Variants in CEP112 observed in about 807,000 individuals in gnomAD.
CEP112 encodes centrosomal protein of 112 kDa.
Under a neutral mutation model 153.0 loss-of-function variants are expected in CEP112, and 127 were observed. The ratio of observed to expected loss-of-function variants is 0.83; its 90% CI spans 0.72 to 0.96. The LOEUF is 0.96. Among genes scored for constraint, CEP112 ranks in the 40% least tolerant of loss-of-function variants. The pLI is 0.00. For missense variants in CEP112, 1,089 were observed against 1,101.2 expected (o/e 0.99, Z 0.16); for synonymous variants, 358 against 374.4 (o/e 0.96, Z 0.51).
intron 21 of CEP112, among the ~76,000 whole-genome samples, chr17:65,792,545 A>T (rs2145738272): frequency 6.6e-6 from 1 of 151,602 alleles, no homozygotes; most frequent in East Asian, 1.9e-4. Context: ...ATTTTCAAGT[A>T]AGTGAAGAAA....
At chr17:66,016,590 A>C (rs2064784468) in intron 16 of CEP112, among the ~76,000 whole-genome samples, 1 of 152,096 alleles carries the variant, frequency 6.6e-6, no homozygotes, top group Non-Finnish European at 1.5e-5. Context: ...GATATGTTAT[A>C]CAGCCTGCTT....
intron 23 of CEP112, among the ~76,000 whole-genome samples, chr17:65,734,891 T>C (rs949209908): frequency 2.0e-5 from 3 of 152,242 alleles, no homozygotes; most frequent in Non-Finnish European, 2.9e-5. Flanking sequence ...CTTTTCATAC[T>C]ATTACACTAA....
chr17:65,662,496 A>G (rs2143868578), intron 24 of CEP112, among the ~76,000 whole-genome samples: 1 of 152,318 alleles, frequency 6.6e-6, no homozygotes, highest in African/African-American at 2.4e-5. Context: ...AAGGTCAAAT[A>G]AAGAGCAGGA....
intron 21 of CEP112, among the ~76,000 whole-genome samples, chr17:65,784,127 G>A (rs757337816): frequency 1.3e-5 from 2 of 152,202 alleles, no homozygotes; most frequent in African/African-American, 2.4e-5. Flanking sequence ...TTATGCGTGA[G>A]AAAATGGGAA....
chr17:65,801,358 A>G (rs2145824893), intron 21 of CEP112, among the ~76,000 whole-genome samples: 1 of 152,326 alleles, frequency 6.6e-6, no homozygotes, highest in South Asian at 2.1e-4. Context: ...GCACCCAGCC[A>G]TCTTCATTTT....
chr17:66,055,871 A>AG (rs2066661596), intron 11 of CEP112, among the ~76,000 whole-genome samples: 1 of 152,214 alleles, frequency 6.6e-6, no homozygotes, highest in Non-Finnish European at 1.5e-5. Flanking sequence ...TAGTCTAACC[A>AG]GAGGTGATTA....
intron 1 of CEP112, among the ~76,000 whole-genome samples, chr17:66,188,585 T>G (rs1303856800): frequency 3.4e-4 from 1 of 2,950 alleles, no homozygotes; most frequent in African/African-American, 6.3e-4. Context: ...TATCATGCTG[T>G]TTTTTTTTTT....
At chr17:65,792,287 TAC>T (rs2054634669) in intron 21 of CEP112, among the ~76,000 whole-genome samples, 1 of 152,212 alleles carries the variant, frequency 6.6e-6, no homozygotes, top group Non-Finnish European at 1.5e-5. Context: ...GGCACCAAAA[TAC>T]ACAGATCGTA....
At chr17:65,754,882 G>A (rs1011693998) in intron 21 of CEP112, among the ~76,000 whole-genome samples, 5 of 152,104 alleles carry the variant, frequency 3.3e-5, no homozygotes, top group Non-Finnish European at 5.9e-5. Context: ...GGAGCTGAAC[G>A]GTGAGAACAC....
chr17:65,858,155 C>T (rs973059758), intron 20 of CEP112, among the ~76,000 whole-genome samples: 6 of 152,016 alleles, frequency 3.9e-5, no homozygotes, highest in Non-Finnish European at 5.9e-5. Flanking sequence ...AGTGAGTTGG[C>T]CTGGAATTTT....
chr17:65,973,976 C>T (rs898085871), intron 17 of CEP112, among the ~76,000 whole-genome samples: 2 of 152,084 alleles, frequency 1.3e-5, no homozygotes, highest in African/African-American at 2.4e-5. Flanking sequence ...AAGAGTACTG[C>T]AAATTAAAAC....
intron 23 of CEP112, among the ~76,000 whole-genome samples, chr17:65,722,930 CAAGG>C (rs1444868951): frequency 2.0e-5 from 3 of 152,182 alleles, no homozygotes. Flanking sequence ...TTGTGAACAG[CAAGG>C]CTGAAACAGA....
chr17:65,744,247 G>T (rs574044777), intron 22 of CEP112, among the ~76,000 whole-genome samples: 109 of 151,260 alleles, frequency 7.2e-4, no homozygotes, highest in African/African-American at 2.6e-3. Flanking sequence ...TTGTTTGTTT[G>T]TTTGTTTGTT....
At chr17:66,132,581 A>T in intron 5 of CEP112, 89 bp downstream of exon 5, 1 of 887,332 alleles carries the variant, frequency 1.1e-6, no homozygotes, top group Non-Finnish European at 1.8e-6. Context: ...TGAAGCAATC[A>T]TTGGTACTTC....
At chr17:65,806,518 C>G (rs184389174) in intron 21 of CEP112, among the ~76,000 whole-genome samples, 1 of 152,306 alleles carries the variant, frequency 6.6e-6, no homozygotes, top group Admixed American at 6.5e-5. Flanking sequence ...GTGTCCCCAC[C>G]CAAATCTCAT....
At chr17:65,905,763 A>C (rs926330601) in intron 19 of CEP112, among the ~76,000 whole-genome samples, 3 of 152,090 alleles carry the variant, frequency 2.0e-5, no homozygotes, top group Non-Finnish European at 4.4e-5. Context: ...CCCCATCTCT[A>C]CTAAAAATAA....
intron 4 of CEP112, among the ~76,000 whole-genome samples, chr17:66,148,063 T>C (rs575282281): frequency 2.6e-5 from 4 of 152,252 alleles, no homozygotes; most frequent in African/African-American, 7.2e-5. Flanking sequence ...CATACCCAGA[T>C]TGGGGAGAAA....
At chr17:65,884,715 T>TG (rs1296784678) in intron 20 of CEP112, among the ~76,000 whole-genome samples, 1 of 149,772 alleles carries the variant, frequency 6.7e-6, no homozygotes, top group East Asian at 1.9e-4. Flanking sequence ...TCTTTTTTTT[T>TG]TTTCTTTTTT....
intron 21 of CEP112, among the ~76,000 whole-genome samples, chr17:65,838,646 T>C (rs1251236500): frequency 6.6e-6 from 1 of 151,786 alleles, no homozygotes; most frequent in Non-Finnish European, 1.5e-5. Flanking sequence ...AATGAAATTA[T>C]AAAGATTGGA....
Sources: gnomAD v4.1 joint callset for allele counts (sites outside exome capture counted in the v4.1 genomes callset) on GRCh38, gnomAD v4.1.1 for gene constraint, MANE v1.5 for transcripts, NCBI Gene and HGNC (gene_info 2026-07-23, HGNC 2026-07-21) for gene names.